TSC1: variants seen among roughly 807,000 people sequenced by gnomAD.
TSC1 encodes TSC complex subunit 1.
A neutral mutation model predicts 124.3 loss-of-function variants in TSC1; 20 were observed. The observed-to-expected ratio is 0.16, with a 90% confidence interval of 0.11 to 0.23. The LOEUF (loss-of-function observed/expected upper bound fraction) is 0.23. Among genes scored for constraint, TSC1 ranks in the 10% least tolerant of loss-of-function variants. The pLI, the probability that TSC1 is intolerant of heterozygous loss-of-function variation, is 1.00. For missense variants in TSC1, 1,124 were observed against 1,448.5 expected (o/e 0.78, Z 3.64); for synonymous variants, 493 against 539.1 (o/e 0.91, Z 1.19).
intron 20 of TSC1, chr9:132,900,046 CT>C (rs1159594973): frequency 6.5e-6 from 1 of 154,632 alleles, no homozygotes; most frequent in East Asian, 1.9e-4. Flanking sequence ...TCTAAGACTC[CT>C]CTCTACATCC....
chr9:132,897,072 G>T, intron 22 of TSC1, 112 bp downstream of exon 22: 1 of 1,531,164 alleles, frequency 6.5e-7, no homozygotes, highest in Non-Finnish European at 9.0e-7. Context: ...AGTGAGCTGA[G>T]TGTTGCAGCC....
Position 132,944,540 on chromosome 9 carries a change from C to T in TSC1, c.-144+3G>A. On this transcript the variant is annotated splice_donor_region_variant and intron_variant, in intron 1 of 22. Transcript: ENST00000298552. ...AAGGAGGGGGAGACACCCCCATACT[C>T]ACCCACCGTCTCCTCCCCCTCAGCT... is the stretch of plus-strand genomic sequence containing the variant. The T allele has an allele frequency of 5.0e-6, 2 of 398,736 alleles. No homozygotes were observed. Among genetic ancestry groups the T allele is most frequent in the Middle Eastern group, 6.3e-4 (1 of 1,588 alleles). The allele number at this position is 398,736 out of a possible 1,614,324, so 24.7% of individuals were successfully genotyped here. A position where few individuals can be genotyped will look rare whatever the true frequency, so the allele number is the denominator to read the frequency against.
Position 132,906,146 on chromosome 9 carries a change from G to C in TSC1, c.1439-7C>G. On this transcript the variant is annotated splice_polypyrimidine_tract_variant and splice_region_variant and intron_variant, in intron 14 of 22. Transcript: ENST00000298552. This position sits in a 1 kb window ranked among gnomAD's most constrained non-coding sequence, Gnocchi z 4.1. The stretch of plus-strand genomic sequence containing the variant: ...AGTTCTCTAGATATTGCAGCTGAGA[G>C]GAAGAGAGGAAACAAAAGAAATGGC... The C allele has an allele frequency of 1.2e-6, 2 of 1,611,436 alleles. No individual in the cohort carries two copies. Among genetic ancestry groups the C allele is most frequent in the Non-Finnish European group, 1.7e-6 (2 of 1,179,530 alleles).
Position 132,894,077 on chromosome 9 carries a change from T to C in TSC1, c.*2158A>G, listed in dbSNP as rs2131555559. 4.3e-6 allele frequency: 1 copy of C among 233,626 alleles called. No homozygotes were observed. Among genetic ancestry groups the C allele is most frequent in the South Asian group, 1.8e-4 (1 of 5,526 alleles). 14.5% of individuals were successfully genotyped at this position (233,626 alleles called of 1,614,324 possible). A position where few individuals can be genotyped will look rare whatever the true frequency, so the allele number is the denominator to read the frequency against. On this transcript the variant is annotated 3_prime_UTR_variant, in exon 23 of 23. Transcript: ENST00000298552. ...AGGCACCTGAGCTTGGAGCCACATT[T>C]GTTATAAAGCTGAGTAAAAGGACAC...
At position 132,904,430 on chromosome 9, in the gene TSC1, G is replaced by A. The variant is rs118203618; in HGVS notation, c.2022C>T (p.Val674=). 1 of 1,613,990 alleles carries A rather than the reference G, an allele frequency of 6.2e-7. No individual in the cohort carries two copies. The highest frequency in any genetic ancestry group is 8.5e-7 in the Non-Finnish European group (1 of 1,180,006). ...CTTTACCTCCAAAGTGGGTCCAGTC[G>A]ACAGACTTGCTGGGTAAAGGCAACC... ...LNKLPLPSKS[V]DWTHFGGSPP... The change falls in exon 16 of 23, where the codon GTC becomes GTT. Residue 674 remains valine (V), a synonymous_variant. Coordinates refer to ENST00000298552, the MANE Select transcript of TSC1 (RefSeq NM_000368.5).
At chr9:132,912,537 G>GAGTGT in intron 8 of TSC1, 80 bp from the exon 9 acceptor site, 1 of 1,536,538 alleles carries the variant, frequency 6.5e-7, no homozygotes, top group Non-Finnish European at 8.9e-7. Flanking sequence ...CTCAGTGCCA[G>GAGTGT]CCACGGAACT....
rs919614244 is a variant in TSC1, at chr9:132,920,223, C to T, written c.737+1140G>A. 4.6e-5 allele frequency among the ~76,000 whole-genome samples: 7 copies of T among 152,324 alleles called. No homozygotes were observed. In the South Asian group the frequency reaches 1.4e-3, roughly 32 times the overall value. On this transcript the variant is annotated intron_variant, in intron 8 of 22. Transcript: ENST00000298552. Reference sequence around the variant, plus strand: ...AGATGCGCTGGTCCTCCTCTCATCTCCTGGAAACCTTCAACTACTAGTGAC... The same window carrying T: ...AGATGCGCTGGTCCTCCTCTCATCTTCTGGAAACCTTCAACTACTAGTGAC...
rs1293816362 is a variant in TSC1, at chr9:132,928,813, A to C, written c.60T>G (p.Gly20=). 7.4e-6 allele frequency: 12 copies of C among 1,614,196 alleles called. No homozygotes were observed. Among genetic ancestry groups the C allele is most frequent in the Non-Finnish European group, 1.0e-5 (12 of 1,180,054 alleles). The part of the protein sequence containing the change: ...LLAMLDSPML[G]VRDDVTAVFK... ...AGACAGCTGTCACGTCGTCCCGCAC[A>C]CCCAGCATGGGGGAGTCCAGCATGG... The change falls in exon 3 of 23, where the codon GGT becomes GGG. Residue 20 remains glycine, a synonymous_variant. Coordinates refer to ENST00000298552, the MANE Select transcript of TSC1 (RefSeq NM_000368.5).
rs2131943248 is a variant in TSC1 at position 132,910,635 on chromosome 9, A to T, written c.1199T>A (p.Leu400His). The T allele has an allele frequency of 6.2e-7, 1 of 1,614,094 alleles. No homozygotes were observed. The highest frequency in any genetic ancestry group is 8.5e-7 in the Non-Finnish European group (1 of 1,180,040). Residue 400 changes from leucine (L) to histidine (H), a missense_variant, in exon 12 of 23, where the codon CTC (leucine) becomes CAC (histidine). Physicochemically the swap from Leu to His is moderately conservative, Grantham distance 99 (BLOSUM62 -3). Coordinates refer to ENST00000298552, the MANE Select transcript of TSC1 (RefSeq NM_000368.5). ...GTGCACGTAGTCATCCGAATGACAG[A>T]GTGGGGCTGGAGGAGGAGAGGTTGC... ...TPATSPPPAP[L>H]CHSDDYVHIS...
chr9:132,906,604 A>G lies in TSC1; in HGVS notation c.1438+127T>C. ...TTACCTGGCATAGGTCCCAGACTAAACCACCCATCTTGTTACCTCAAGAGA... is the reference window on the plus strand; with the variant it reads ...TTACCTGGCATAGGTCCCAGACTAAGCCACCCATCTTGTTACCTCAAGAGA... On this transcript the variant is annotated intron_variant, in intron 14 of 22. Transcript: ENST00000298552. This position sits in a 1 kb window ranked among gnomAD's most constrained non-coding sequence, Gnocchi z 4.1. The G allele has an allele frequency of 1.2e-6, 1 of 816,696 alleles. No homozygotes were observed. The highest frequency in any genetic ancestry group is 2.0e-6 in the Non-Finnish European group (1 of 487,880). 50.6% of individuals were successfully genotyped at this position (816,696 alleles called of 1,614,324 possible). A position where few individuals can be genotyped will look rare whatever the true frequency, so the allele number is the denominator to read the frequency against.
chr9:132,911,320 T>C, intron 10 of TSC1, 133 bp downstream of exon 10: 1 of 855,916 alleles, frequency 1.2e-6, no homozygotes, highest in South Asian at 1.3e-5. Flanking sequence ...TCTTTGCTAA[T>C]ATCATGGATC....
At chr9:132,932,132 A>T (rs1847234382) in intron 2 of TSC1, among the ~76,000 whole-genome samples, 1 of 152,252 alleles carries the variant, frequency 6.6e-6, no homozygotes, top group African/African-American at 2.4e-5. Flanking sequence ...TGCTAAAGCA[A>T]TATTCCATTT....
intron 8 of TSC1, among the ~76,000 whole-genome samples, chr9:132,915,998 G>C (rs1053816303): frequency 6.6e-6 from 1 of 152,120 alleles, no homozygotes; most frequent in Non-Finnish European, 1.5e-5. Flanking sequence ...CAAGAAGATT[G>C]ATTTTAGAGG....
chr9:132,897,068 C>T, intron 22 of TSC1, 116 bp downstream of exon 22: 3 of 1,519,536 alleles, frequency 2.0e-6, no homozygotes, highest in Non-Finnish European at 2.7e-6. Context: ...ACGGAGTGAG[C>T]TGAGTGTTGC....
chr9:132,926,985 T>TACAGGCGTGAGCCACCACACCCGGCCCA, intron 4 of TSC1: 1 of 546,856 alleles, frequency 1.8e-6, no homozygotes, highest in Non-Finnish European at 3.3e-6. Flanking sequence ...ACAAGATCTT[T>TACAGGCGTGAGCCACCACACCCGGCCCA]AACAGTCTCT....
At chr9:132,944,504 G>A in intron 1 of TSC1, 39 bp downstream of exon 1, 2 of 398,502 alleles carry the variant, frequency 5.0e-6, no homozygotes, top group Admixed American at 4.4e-5. Context: ...GCCCCAGGAA[G>A]CCCCCATAAA....
At chr9:132,919,217 G>C (rs1846414475) in intron 8 of TSC1, among the ~76,000 whole-genome samples, 2 of 152,214 alleles carry the variant, frequency 1.3e-5, no homozygotes, top group Admixed American at 1.3e-4. Context: ...TAATCTCGCA[G>C]AACCACTATC....
At chr9:132,934,100 C>T (rs1847336560) in intron 2 of TSC1, among the ~76,000 whole-genome samples, 1 of 152,186 alleles carries the variant, frequency 6.6e-6, no homozygotes, top group South Asian at 2.1e-4. Context: ...ATTCCTACGA[C>T]AGAGGTGAGG....
At position 132,923,011 on chromosome 9, in the gene TSC1, C is replaced by G. The variant is rs756679594; in HGVS notation, c.508+337G>C. 5.3e-5 allele frequency among the ~76,000 whole-genome samples: 8 copies of G among 152,164 alleles called. No homozygotes were observed. Among genetic ancestry groups the G allele is most frequent in the Non-Finnish European group, 7.4e-5 (5 of 68,026 alleles). On this transcript the variant is annotated intron_variant, in intron 6 of 22. Coordinates refer to ENST00000298552, the MANE Select transcript of TSC1 (RefSeq NM_000368.5). The surrounding 1 kb of genome is among the most constrained non-coding windows in gnomAD (Gnocchi z 4.2). ...GTCACAACAGAGCAGCCAAGGAAGA[C>G]AGAAATGTCCCACAAGCTTAGTCCT...
Sources: gnomAD v4.1 joint callset for allele counts (sites outside exome capture counted in the v4.1 genomes callset) on GRCh38, gnomAD v4.1.1 for gene constraint, Gnocchi (gnomAD v3.1) non-coding constraint, MANE v1.5 for transcripts, NCBI Gene and HGNC (gene_info 2026-07-23, HGNC 2026-07-21) for gene names.